Variants in RPS6KC1 observed in about 807,000 individuals in gnomAD.
RPS6KC1 encodes the protein ribosomal protein S6 kinase C1, also known as inactive ribosomal protein S6 kinase delta-1.
Under a neutral mutation model 103.8 loss-of-function variants are expected in RPS6KC1, and 54 were observed. The ratio of observed to expected loss-of-function variants is 0.52; its 90% CI spans 0.42 to 0.65. The LOEUF is 0.65. Among genes scored for constraint, RPS6KC1 ranks in the 30% least tolerant of loss-of-function variants. The pLI, the probability that RPS6KC1 is intolerant of heterozygous loss-of-function variation, is 0.00. For missense variants in RPS6KC1, 1,151 were observed against 1,253.8 expected, an observed-to-expected ratio of 0.92 and a Z score of 1.24; for synonymous variants, 439 against 438.7, an observed-to-expected ratio of 1.00 and a Z score of -0.01.
At chr1:213,474,114 C>T in the RPS6KC1 span, among the ~76,000 whole-genome samples, 1 of 152,180 alleles carries the variant, frequency 6.6e-6, no homozygotes. Flanking sequence ...TCTCATTTGC[C>T]TTCCCAGCAG....
chr1:213,372,696 G>A, the RPS6KC1 span, among the ~76,000 whole-genome samples: 2 of 152,158 alleles, frequency 1.3e-5, no homozygotes, highest in Admixed American at 1.3e-4. Context: ...CGTGCAACAT[G>A]TTTTATTATA....
chr1:213,501,340 T>A, the RPS6KC1 span, among the ~76,000 whole-genome samples: 5 of 152,300 alleles, frequency 3.3e-5, no homozygotes, highest in African/African-American at 1.2e-4. Context: ...AGAGAAAAAA[T>A]TATGTTCTCC....
chr1:213,606,702 G>A, the RPS6KC1 span, among the ~76,000 whole-genome samples: 1 of 152,206 alleles, frequency 6.6e-6, no homozygotes, highest in East Asian at 1.9e-4. Context: ...TGCACCAAAA[G>A]GGAGTTCGTG....
the RPS6KC1 span, among the ~76,000 whole-genome samples, chr1:213,346,968 C>T: frequency 1.3e-5 from 2 of 152,108 alleles, no homozygotes; most frequent in African/African-American, 4.8e-5. Flanking sequence ...TGATAAATTT[C>T]TCATAATTAA....
the RPS6KC1 span, among the ~76,000 whole-genome samples, chr1:213,455,143 T>G: frequency 6.6e-6 from 1 of 152,140 alleles, no homozygotes; most frequent in African/African-American, 2.4e-5. Flanking sequence ...GAGAAAAGGA[T>G]GGAGGTGACA....
chr1:213,241,732 G>A lies in RPS6KC1; in HGVS notation c.2256G>A (p.Leu752=). 6.2e-7 allele frequency: 1 copy of A among 1,613,946 alleles called. No homozygotes were observed. Among genetic ancestry groups the A allele is most frequent in the East Asian group, 2.2e-5 (1 of 44,864 alleles). ...ATGAGGAGAAAGGCATAGAGGAACT[G>A]AGTGATCCCTCTGGGCCCAAATCCT... ...QAHEEKGIEE[L]SDPSGPKSYS... Residue 752 remains leucine, a synonymous_variant, in exon 11 of 15, where the codon CTG becomes CTA. Coordinates refer to ENST00000366960, the MANE Select transcript of RPS6KC1 (RefSeq NM_012424.6).
At chr1:213,652,241 G>A in the RPS6KC1 span, among the ~76,000 whole-genome samples, 2 of 152,120 alleles carry the variant, frequency 1.3e-5, no homozygotes, top group African/African-American at 2.4e-5. Flanking sequence ...CTACGTGCCT[G>A]GCACTGTGTT....
chr1:213,741,017 C>CATATATATCTCAGATATATGT, the RPS6KC1 span, among the ~76,000 whole-genome samples: 19 of 147,772 alleles, frequency 1.3e-4, no homozygotes, highest in African/African-American at 4.2e-4. Flanking sequence ...TATATATACA[C>CATATATATCTCAGATATATGT]ACACATATGT....
the RPS6KC1 span, among the ~76,000 whole-genome samples, chr1:213,506,654 TAGAG>T: frequency 3.3e-5 from 5 of 152,302 alleles, no homozygotes; most frequent in Middle Eastern, 3.4e-3. Context: ...ATCCAGGAGA[TAGAG>T]AAAGAGACAG....
At chr1:213,372,634 G>A in the RPS6KC1 span, among the ~76,000 whole-genome samples, 1 of 152,186 alleles carries the variant, frequency 6.6e-6, no homozygotes, top group Non-Finnish European at 1.5e-5. Flanking sequence ...CAGTGTCAGA[G>A]CAGTTTATTT....
chr1:213,101,263 A>G lies in RPS6KC1; in HGVS notation c.263-3191A>G, dbSNP rs557826031. Among the ~76,000 whole-genome samples, 14 of 152,284 alleles carry G rather than the reference A, an allele frequency of 9.2e-5. No homozygotes were observed. The South Asian group carries it at 1.0e-3, about 11-fold the overall frequency. On this transcript the variant is annotated intron_variant, in intron 3 of 14. Coordinates refer to ENST00000366960, the MANE Select transcript of RPS6KC1 (RefSeq NM_012424.6). ...GTCTGTCTGTTCATGTCCTTTGCCCACTTAATGCCATTCTTCTGTTGTTAT... is the reference window on the plus strand; with the variant it reads ...GTCTGTCTGTTCATGTCCTTTGCCCGCTTAATGCCATTCTTCTGTTGTTAT...
the RPS6KC1 span, among the ~76,000 whole-genome samples, chr1:213,530,313 C>T: frequency 3.3e-5 from 5 of 152,166 alleles, no homozygotes; most frequent in East Asian, 3.9e-4. Flanking sequence ...TCTTCACCTA[C>T]GTCATCCAGT....
chr1:213,295,943 A>G, the RPS6KC1 span, among the ~76,000 whole-genome samples: 1 of 152,236 alleles, frequency 6.6e-6, no homozygotes, highest in Non-Finnish European at 1.5e-5. Context: ...TAGATCATCC[A>G]GGTTTTTATT....
the RPS6KC1 span, among the ~76,000 whole-genome samples, chr1:213,714,565 G>T: frequency 1.3e-5 from 2 of 152,222 alleles, no homozygotes; most frequent in Non-Finnish European, 2.9e-5. Context: ...GGGCTGGCGT[G>T]CAGGGCATCA....
chr1:213,517,824 T>C, the RPS6KC1 span, among the ~76,000 whole-genome samples: 2 of 152,158 alleles, frequency 1.3e-5, no homozygotes, highest in South Asian at 2.1e-4. Context: ...ATGTTGACAG[T>C]GGGGTATTAA....
At chr1:213,836,833 C>T in the RPS6KC1 span, among the ~76,000 whole-genome samples, 9 of 152,110 alleles carry the variant, frequency 5.9e-5, no homozygotes, top group East Asian at 1.7e-3. Context: ...CGTGTCAGGA[C>T]CCATAGTTTC....
At chr1:213,593,080 C>T in the RPS6KC1 span, among the ~76,000 whole-genome samples, 1 of 151,690 alleles carries the variant, frequency 6.6e-6, no homozygotes, top group South Asian at 2.1e-4. Flanking sequence ...TCAGCAATGG[C>T]ACTGGTGTTG....
the RPS6KC1 span, among the ~76,000 whole-genome samples, chr1:213,297,562 T>C: frequency 2.0e-5 from 3 of 152,196 alleles, no homozygotes; most frequent in Admixed American, 2.0e-4. Flanking sequence ...TGCCATTTAA[T>C]GAATAAGTAA....
At chr1:213,663,403 AC>A in the RPS6KC1 span, among the ~76,000 whole-genome samples, 1 of 152,004 alleles carries the variant, frequency 6.6e-6, no homozygotes, top group African/African-American at 2.4e-5. Context: ...ATTATAAGAC[AC>A]CCTTGGACTG....
Sources: gnomAD v4.1 joint callset for allele counts (sites outside exome capture counted in the v4.1 genomes callset) on GRCh38, gnomAD v4.1.1 for gene constraint, MANE v1.5 for transcripts, NCBI Gene and HGNC (gene_info 2026-07-23, HGNC 2026-07-21) for gene names.